Variants in TSPAN9 observed in about 807,000 individuals in gnomAD.
TSPAN9 encodes tetraspanin 9.
A neutral mutation model predicts 31.0 loss-of-function variants in TSPAN9; 16 were observed. The ratio of observed to expected loss-of-function variants is 0.52; its 90% CI spans 0.35 to 0.78. TSPAN9 has a LOEUF of 0.78. Among genes scored for constraint, TSPAN9 ranks in the 30% least tolerant of loss-of-function variants. The pLI is 0.01. For synonymous variants in TSPAN9, 145 were observed against 121.6 expected (o/e 1.19, Z -1.27); for missense variants, 272 against 312.5 (o/e 0.87, Z 0.98).
intron 3 of TSPAN9, among the ~76,000 whole-genome samples, chr12:3,232,929 C>A: frequency 6.6e-6 from 1 of 152,186 alleles, no homozygotes; most frequent in East Asian, 1.9e-4. Context: ...GAAAGATTTT[C>A]CTTTCCCTAC....
intron 3 of TSPAN9, among the ~76,000 whole-genome samples, chr12:3,247,064 G>A (rs988346716): frequency 7.2e-5 from 11 of 152,298 alleles, no homozygotes; most frequent in African/African-American, 2.6e-4. Flanking sequence ...GAGAAGAGGA[G>A]CAACGTACTG....
At chr12:3,226,160 G>A (rs995857285) in intron 3 of TSPAN9, among the ~76,000 whole-genome samples, 2 of 152,012 alleles carry the variant, frequency 1.3e-5, no homozygotes, top group Non-Finnish European at 1.5e-5. Context: ...GAGATGGGGT[G>A]TGATGGGGTG....
intron 2 of TSPAN9, chr12:3,173,648 A>T (rs1037446712): frequency 2.0e-5 from 3 of 152,264 alleles, no homozygotes; most frequent in African/African-American, 7.2e-5. Flanking sequence ...GGTGGACACC[A>T]CCATGCCTGG....
intron 3 of TSPAN9, among the ~76,000 whole-genome samples, chr12:3,244,796 T>C (rs1202860116): frequency 2.6e-5 from 4 of 152,130 alleles, no homozygotes; most frequent in Admixed American, 2.6e-4. Context: ...TTCACTAGGC[T>C]TGCCTGCCCC....
rs778374041 is a variant in TSPAN9, at chr12:3,278,500, T to G, written c.143T>G (p.Phe48Cys). The G allele has an allele frequency of 5.0e-6, 8 of 1,614,074 alleles. No homozygotes were observed. The Admixed American group carries it at 1.0e-4, about 20-fold the overall frequency. Reference sequence around the variant, plus strand: ...AACTTTGCCACCTTCTCCCCCAGCTTCCCTTCGTTGTCTGCAGCCAACCTG... The same window carrying G: ...AACTTTGCCACCTTCTCCCCCAGCTGCCCTTCGTTGTCTGCAGCCAACCTG... ...QGNFATFSPS[F>C]PSLSAANLVI... Residue 48 changes from phenylalanine (F) to cysteine (C), a missense_variant, in exon 4 of 9, where the codon TTC becomes TGC. Physicochemically the swap from Phe to Cys is radical, Grantham distance 205. Coordinates refer to ENST00000011898, the MANE Select transcript of TSPAN9 (RefSeq NM_006675.5).
chr12:3,270,532 C>G (rs74054955), intron 3 of TSPAN9, among the ~76,000 whole-genome samples: 1 of 152,234 alleles, frequency 6.6e-6, no homozygotes, highest in Non-Finnish European at 1.5e-5. Context: ...TTGATTGGAG[C>G]AAGCCCCCAG....
intron 2 of TSPAN9, among the ~76,000 whole-genome samples, chr12:3,181,825 C>T (rs1366432550): frequency 6.6e-6 from 1 of 152,108 alleles, no homozygotes; most frequent in Admixed American, 6.5e-5. Flanking sequence ...TTCATTTTAC[C>T]TGCTTCTCCT....
intron 3 of TSPAN9, among the ~76,000 whole-genome samples, chr12:3,276,558 C>G (rs1040596156): frequency 3.3e-5 from 5 of 152,316 alleles, no homozygotes; most frequent in East Asian, 3.9e-4. Flanking sequence ...GCTCCCTCCC[C>G]CTGTTTATTT....
chr12:3,241,448 G>C (rs889633046), intron 3 of TSPAN9, among the ~76,000 whole-genome samples: 1 of 152,160 alleles, frequency 6.6e-6, no homozygotes, highest in Admixed American at 6.5e-5. Context: ...AGTCATACAT[G>C]TGTCAATATA....
chr12:3,135,405 C>T (rs1026350747), intron 2 of TSPAN9, among the ~76,000 whole-genome samples: 3 of 152,034 alleles, frequency 2.0e-5, no homozygotes, highest in African/African-American at 7.3e-5. Flanking sequence ...TTATTTGTTA[C>T]AGGGGTGTAT....
chr12:3,122,281 C>CCGAGATCACGCCG (rs368874431), intron 2 of TSPAN9, among the ~76,000 whole-genome samples: 27,309 of 150,614 alleles, frequency 0.18, 2,591 homozygotes, highest in Middle Eastern at 0.23. Context: ...TTGCAGTGAG[C>CCGAGATCACGCCG]CTGCACTCCA....
chr12:3,142,644 T>A (rs7973427), intron 2 of TSPAN9, among the ~76,000 whole-genome samples: 2 of 152,048 alleles, frequency 1.3e-5, no homozygotes, highest in African/African-American at 4.8e-5. Context: ...CCCTGCCCCC[T>A]GCGCCATGCT....
intron 2 of TSPAN9, among the ~76,000 whole-genome samples, chr12:3,105,431 T>TAAAAA (rs35039490): frequency 1.1e-4 from 15 of 134,476 alleles, no homozygotes; most frequent in Admixed American, 3.7e-4. Flanking sequence ...TTCCTTGTCT[T>TAAAAA]AAAAAAAAAA....
chr12:3,269,439 T>TGC (rs1862625922), intron 3 of TSPAN9, among the ~76,000 whole-genome samples: 10 of 106,082 alleles, frequency 9.4e-5, no homozygotes, highest in African/African-American at 1.9e-4. Context: ...GCCCTCCCTG[T>TGC]GTTCCTGCAG....
chr12:3,171,106 C>A (rs1258797150), intron 2 of TSPAN9, among the ~76,000 whole-genome samples: 1 of 152,190 alleles, frequency 6.6e-6, no homozygotes, highest in African/African-American at 2.4e-5. Context: ...CATCTCCCTG[C>A]TGCTGCCCTG....
chr12:3,103,738 T>C (rs1188953535), intron 2 of TSPAN9, among the ~76,000 whole-genome samples: 1 of 152,098 alleles, frequency 6.6e-6, no homozygotes, highest in Non-Finnish European at 1.5e-5. Context: ...TTAGGGCTTG[T>C]GTTTCTGGTC....
At chr12:3,185,559 C>T (rs577735428) in intron 2 of TSPAN9, among the ~76,000 whole-genome samples, 9 of 152,300 alleles carry the variant, frequency 5.9e-5, no homozygotes, top group African/African-American at 1.7e-4. Flanking sequence ...TCTCCCCCTT[C>T]GGAGCGCCTC....
At chr12:3,266,737 C>A (rs1862544664) in intron 3 of TSPAN9, among the ~76,000 whole-genome samples, 1 of 152,168 alleles carries the variant, frequency 6.6e-6, no homozygotes, top group South Asian at 2.1e-4. Context: ...CATCCCGTGT[C>A]CCCCATGAAG....
chr12:3,109,124 A>G (rs990297903), intron 2 of TSPAN9, among the ~76,000 whole-genome samples: 2 of 151,364 alleles, frequency 1.3e-5, no homozygotes, highest in African/African-American at 2.4e-5. Flanking sequence ...TTTAGTAGAG[A>G]CGGGGGTTTC....
Sources: gnomAD v4.1 joint callset for allele counts (sites outside exome capture counted in the v4.1 genomes callset) on GRCh38, gnomAD v4.1.1 for gene constraint, MANE v1.5 for transcripts, NCBI Gene and HGNC (gene_info 2026-07-23, HGNC 2026-07-21) for gene names.